SORCS3: variants seen among roughly 807,000 people sequenced by gnomAD.
SORCS3 encodes the protein sortilin related VPS10 domain containing receptor 3.
A neutral mutation model predicts 146.3 loss-of-function variants in SORCS3; 57 were observed. That is an observed-to-expected ratio of 0.39 (90% CI 0.31 to 0.49). The LOEUF (loss-of-function observed/expected upper bound fraction) is 0.49. Ranked by LOEUF, SORCS3 falls within the 20% of genes least tolerant of loss-of-function variation. SORCS3 has a pLI of 0.92. For synonymous variants in SORCS3, 653 were observed against 618.5 expected (o/e 1.06, Z -0.83); for missense variants, 1,341 against 1,575.5 (o/e 0.85, Z 2.52).
rs570462747 is a variant in SORCS3 at position 105,248,851 on chromosome 10, A to G, written c.3105+1520A>G. On this transcript the variant is annotated intron_variant, in intron 22 of 26. Transcript: ENST00000369701. ...TGTCATATTGTGTAGGGTTTGAGAGACCAAAAGAAGCTTGGCATCTATTCT... is the reference window on the plus strand; with the variant it reads ...TGTCATATTGTGTAGGGTTTGAGAGGCCAAAAGAAGCTTGGCATCTATTCT... 3.3e-5 allele frequency among the ~76,000 whole-genome samples: 5 copies of G among 152,304 alleles called. No homozygotes were observed. The East Asian group carries it at 7.7e-4, about 24-fold the overall frequency.
intron 13 of SORCS3, among the ~76,000 whole-genome samples, chr10:105,173,380 T>TC (rs1355906971): frequency 1.3e-5 from 2 of 152,046 alleles, no homozygotes; most frequent in Non-Finnish European, 2.9e-5. Flanking sequence ...TCTTCTAATT[T>TC]CCCCCTCAAT....
At chr10:105,073,303 T>C (rs989078473) in intron 5 of SORCS3, among the ~76,000 whole-genome samples, 1 of 152,076 alleles carries the variant, frequency 6.6e-6, no homozygotes, top group African/African-American at 2.4e-5. Flanking sequence ...GGGATTTGGA[T>C]ACCTATGTTC....
intron 8 of SORCS3, among the ~76,000 whole-genome samples, chr10:105,144,407 T>C (rs2056116744): frequency 6.6e-6 from 1 of 152,168 alleles, no homozygotes; most frequent in Non-Finnish European, 1.5e-5. Context: ...ACATGGCAGA[T>C]GCTTAATAAC....
chr10:104,804,813 C>T (rs577958546), intron 1 of SORCS3, among the ~76,000 whole-genome samples: 71 of 152,330 alleles, frequency 4.7e-4, no homozygotes, highest in African/African-American at 1.5e-3. Context: ...GGCAAACTTA[C>T]TTGATTTCAA....
intron 1 of SORCS3, among the ~76,000 whole-genome samples, chr10:104,786,691 G>T (rs1019507540): frequency 6.6e-6 from 1 of 152,066 alleles, no homozygotes; most frequent in South Asian, 2.1e-4. Flanking sequence ...GCATGTGCTG[G>T]GTGAGAACAA....
intron 3 of SORCS3, among the ~76,000 whole-genome samples, chr10:104,917,502 A>C (rs1186162252): frequency 1.8e-4 from 28 of 152,216 alleles, no homozygotes. Flanking sequence ...ATAATACTTA[A>C]TATCTACTCT....
intron 1 of SORCS3, among the ~76,000 whole-genome samples, chr10:104,817,920 T>C (rs969132510): frequency 6.6e-6 from 1 of 151,886 alleles, no homozygotes; most frequent in African/African-American, 2.4e-5. Flanking sequence ...CCTTTCCACC[T>C]CTTAGAAGCT....
intron 14 of SORCS3, among the ~76,000 whole-genome samples, chr10:105,186,064 C>G (rs1265481750): frequency 1.3e-5 from 2 of 152,114 alleles, no homozygotes; most frequent in African/African-American, 4.8e-5. Context: ...TAGCTATGTG[C>G]TCTTACAAAC....
chr10:104,745,420 T>G (rs2016895957), intron 1 of SORCS3, among the ~76,000 whole-genome samples: 1 of 152,162 alleles, frequency 6.6e-6, no homozygotes, highest in Admixed American at 6.5e-5. Context: ...ATGGCTGACA[T>G]ACAAAAAGCG....
At chr10:104,798,719 A>G in intron 1 of SORCS3, among the ~76,000 whole-genome samples, 1 of 152,210 alleles carries the variant, frequency 6.6e-6, no homozygotes, top group Non-Finnish European at 1.5e-5. Context: ...TAAACTAAAG[A>G]GCTTCTGCAC....
chr10:104,970,305 C>T (rs186956255), intron 3 of SORCS3, among the ~76,000 whole-genome samples: 4 of 152,186 alleles, frequency 2.6e-5, no homozygotes, highest in African/African-American at 9.6e-5. Flanking sequence ...TACCTCCACG[C>T]CCAGCTAATT....
chr10:104,921,402 G>T (rs2019084911), intron 3 of SORCS3, among the ~76,000 whole-genome samples: 1 of 152,176 alleles, frequency 6.6e-6, no homozygotes, highest in Non-Finnish European at 1.5e-5. Context: ...CAACTTTGGA[G>T]ACAGTGCATT....
At chr10:104,783,140 T>C (rs923176147) in intron 1 of SORCS3, among the ~76,000 whole-genome samples, 1 of 152,190 alleles carries the variant, frequency 6.6e-6, no homozygotes, top group Non-Finnish European at 1.5e-5. Flanking sequence ...AAGACAGCCT[T>C]CCTAATATCC....
intron 9 of SORCS3, among the ~76,000 whole-genome samples, chr10:105,153,645 A>ATGTGTGTG (rs372134420): frequency 1.2e-4 from 18 of 146,308 alleles, no homozygotes; most frequent in South Asian, 4.4e-4. Flanking sequence ...GTGTGTGTGT[A>ATGTGTGTG]TGTGTGTGTG....
At chr10:105,251,486 G>A (rs1178386398) in intron 22 of SORCS3, among the ~76,000 whole-genome samples, 1 of 152,152 alleles carries the variant, frequency 6.6e-6, no homozygotes, top group African/African-American at 2.4e-5. Flanking sequence ...GTGTCACGGT[G>A]GACATGGTCT....
At chr10:104,891,900 G>A (rs1310006039) in intron 2 of SORCS3, among the ~76,000 whole-genome samples, 2 of 152,130 alleles carry the variant, frequency 1.3e-5, no homozygotes, top group African/African-American at 2.4e-5. Context: ...GTAATGAATT[G>A]GCTCCTGGAT....
chr10:104,946,664 C>T (rs2019374199), intron 3 of SORCS3, among the ~76,000 whole-genome samples: 1 of 152,118 alleles, frequency 6.6e-6, no homozygotes, highest in Admixed American at 6.5e-5. Flanking sequence ...ACTGGCAGAG[C>T]GTATTTCCAT....
intron 4 of SORCS3, among the ~76,000 whole-genome samples, chr10:105,007,918 C>G (rs940085731): frequency 1.3e-5 from 2 of 151,990 alleles, no homozygotes; most frequent in African/African-American, 4.8e-5. Context: ...GGAAGAAGTC[C>G]CCTCTGGGCT....
intron 1 of SORCS3, among the ~76,000 whole-genome samples, chr10:104,700,928 G>A (rs927951162): frequency 1.3e-5 from 2 of 152,094 alleles, no homozygotes; most frequent in African/African-American, 4.8e-5. Flanking sequence ...TTTTTATTCC[G>A]AATTCCAGTT....
Sources: gnomAD v4.1 joint callset for allele counts (sites outside exome capture counted in the v4.1 genomes callset) on GRCh38, gnomAD v4.1.1 for gene constraint, MANE v1.5 for transcripts, NCBI Gene and HGNC (gene_info 2026-07-23, HGNC 2026-07-21) for gene names.